The following LRP2 variants were observed in gnomAD, a reference collection of about 807,000 sequenced individuals.
The protein encoded by LRP2 is LDL receptor related protein 2, also known as low-density lipoprotein receptor-related protein 2.
LRP2 carries 172 observed loss-of-function variants against 531.0 expected under a neutral mutation model. The ratio of observed to expected loss-of-function variants is 0.32; its 90% CI spans 0.29 to 0.37. The LOEUF (loss-of-function observed/expected upper bound fraction) is 0.37, where lower values mean the gene tolerates loss of function less well. Among genes scored for constraint, LRP2 ranks in the 10% least tolerant of loss-of-function variants. LRP2 has a pLI of 1.00. For missense variants in LRP2, 5,167 were observed against 5,868.3 expected, an observed-to-expected ratio of 0.88 and a Z score of 3.90; for synonymous variants, 1,992 against 2,027.6, an observed-to-expected ratio of 0.98 and a Z score of 0.47.
chr2:169,134,079 G>C (rs1223906774), intron 76 of LRP2, among the ~76,000 whole-genome samples: 2 of 152,130 alleles, frequency 1.3e-5, no homozygotes, highest in Non-Finnish European at 2.9e-5. Context: ...TTCCTTCCTA[G>C]GCATGGTTAG....
At chr2:169,258,925 T>C in intron 17 of LRP2, 100 bp downstream of exon 17, 1 of 1,048,830 alleles carries the variant, frequency 9.5e-7, no homozygotes, top group East Asian at 2.4e-5. Context: ...CAGTTCAATC[T>C]TATATTTGCT....
intron 1 of LRP2, among the ~76,000 whole-genome samples, chr2:169,329,861 G>A (rs890444569): frequency 1.3e-5 from 2 of 152,174 alleles, no homozygotes; most frequent in South Asian, 2.1e-4. Flanking sequence ...GTACTGGTCC[G>A]TGGCCTGCTA....
In LRP2 at chr2:169,279,441, C is replaced by T. The variant is rs750613446; in HGVS notation, c.1496G>A (p.Ser499Asn). 9.3e-6 allele frequency: 15 copies of T among 1,613,960 alleles called. No homozygotes were observed. In the Admixed American group the frequency reaches 2.2e-4, roughly 23 times the overall value. The change falls in exon 12 of 79, where the codon AGC becomes AAC. Residue 499 changes from serine to asparagine, a missense_variant. Physicochemically the swap from Ser to Asn is conservative, Grantham distance 46. Coordinates refer to ENST00000649046, the MANE Select transcript of LRP2 (RefSeq NM_004525.3). The part of the protein sequence containing the change: ...NRIDMVNLDG[S>N]YRVTLITENL... The stretch of plus-strand genomic sequence containing the variant: ...TTCAGTTATAAGGGTAACCCGATAG[C>T]TTCCATCCAAATTTACCATATCTAT...
intron 1 of LRP2, among the ~76,000 whole-genome samples, chr2:169,352,144 G>T (rs551671849): frequency 6.6e-6 from 1 of 152,260 alleles, no homozygotes; most frequent in Admixed American, 6.5e-5. Flanking sequence ...ATTCAGGTGA[G>T]AAAAGATTAG....
chr2:169,154,397 C>A, intron 66 of LRP2, 63 bp downstream of exon 66: 1 of 1,479,978 alleles, frequency 6.8e-7, no homozygotes, highest in Non-Finnish European at 9.4e-7. Context: ...CCTTAAAAGT[C>A]AACACCTTAA....
chr2:169,292,186 G>C, intron 7 of LRP2, 67 bp downstream of exon 7: 1 of 1,244,966 alleles, frequency 8.0e-7, no homozygotes, highest in Non-Finnish European at 1.2e-6. Flanking sequence ...AAGGAAAGGA[G>C]AAAAAACAAG....
At chr2:169,342,896 AC>A (rs1685603454) in intron 1 of LRP2, among the ~76,000 whole-genome samples, 1 of 152,188 alleles carries the variant, frequency 6.6e-6, no homozygotes, top group African/African-American at 2.4e-5. Flanking sequence ...CATCTCACTG[AC>A]CTTTCTGTAG....
Position 169,188,086 on chromosome 2 carries a change from G to C in LRP2, c.9212C>G (p.Pro3071Arg), listed in dbSNP as rs377405517. 4.3e-6 allele frequency: 7 copies of C among 1,614,006 alleles called. No individual in the cohort carries two copies. Among genetic ancestry groups the C allele is most frequent in the Non-Finnish European group, 5.1e-6 (6 of 1,180,026 alleles). Residue 3071 changes from proline to arginine, a missense_variant, in exon 49 of 79, where the codon CCA (proline) becomes CGA (arginine). Transcript: ENST00000649046. The part of the protein sequence containing the change: ...SDELMHLCHT[P>R]EPTCPPHEFK... ...CTCGTGAGGTGGACACGTGGGTTCT[G>C]GGGTGTGGCACAGGTGCATCAGCTC...
chr2:169,282,730 C>A, intron 10 of LRP2, 143 bp downstream of exon 10: 1 of 875,818 alleles, frequency 1.1e-6, no homozygotes, highest in Non-Finnish European at 1.9e-6. Flanking sequence ...TTTTTCTAGG[C>A]AGTAGGAGCC....
chr2:169,206,034 A>T lies in LRP2; in HGVS notation c.7545T>A (p.Asp2515Glu), dbSNP rs766781237. Residue 2515 changes from aspartate to glutamate, a missense_variant, in exon 40 of 79, where the codon GAT (aspartate) becomes GAA (glutamate). Physicochemically the swap from Asp to Glu is conservative, Grantham distance 45. This residue lies in a region of LRP2 where 1,129 missense variants were observed against 1,362.7 expected (regional missense o/e 0.83). Transcript: ENST00000649046. ...AGATGATGGCATACCCTTGGCAGGG[A>T]TCTAACACAATTGCTCTTGGTTTTG... is the stretch of plus-strand genomic sequence containing the variant. ...RVPKPRAIVL[D>E]PCQGYLYWAD... 2.5e-6 allele frequency: 4 copies of T among 1,614,248 alleles called. No individual in the cohort carries two copies. Among genetic ancestry groups the T allele is most frequent in the African/African-American group, 2.7e-5 (2 of 75,066 alleles).
chr2:169,143,695 A>C (rs916322971), intron 70 of LRP2, among the ~76,000 whole-genome samples: 4 of 152,198 alleles, frequency 2.6e-5, no homozygotes, highest in Admixed American at 1.3e-4. Flanking sequence ...CCATTCACAG[A>C]GATTCAGATT....
intron 8 of LRP2, among the ~76,000 whole-genome samples, chr2:169,290,005 G>C (rs761765853): frequency 1.3e-5 from 2 of 152,098 alleles, no homozygotes; most frequent in African/African-American, 4.8e-5. Flanking sequence ...CACAAATTTA[G>C]TTAGAGTATA....
intron 1 of LRP2, among the ~76,000 whole-genome samples, chr2:169,342,226 G>T (rs114768305): frequency 2.7e-5 from 4 of 150,480 alleles, no homozygotes; most frequent in African/African-American, 9.8e-5. Flanking sequence ...GAATATTTAT[G>T]AATGTAATTA....
At chr2:169,195,918 T>C (rs1359873462) in intron 46 of LRP2, among the ~76,000 whole-genome samples, 3 of 152,164 alleles carry the variant, frequency 2.0e-5, no homozygotes, top group Non-Finnish European at 2.9e-5. Flanking sequence ...CCTAAGAAAA[T>C]ATCCTGAAAA....
chr2:169,291,285 G>A (rs374093491), intron 7 of LRP2, among the ~76,000 whole-genome samples: 41 of 152,280 alleles, frequency 2.7e-4, no homozygotes, highest in African/African-American at 8.9e-4. Context: ...CTAAATTCAT[G>A]ATCCCCTAAG....
At chr2:169,285,822 G>A (rs901859711) in intron 9 of LRP2, among the ~76,000 whole-genome samples, 2 of 152,188 alleles carry the variant, frequency 1.3e-5, no homozygotes, top group Non-Finnish European at 2.9e-5. Flanking sequence ...CAGATGAATG[G>A]TAGAAAGACA....
intron 1 of LRP2, among the ~76,000 whole-genome samples, chr2:169,328,432 G>A (rs1405553958): frequency 1.6e-5 from 2 of 126,990 alleles, no homozygotes; most frequent in South Asian, 2.5e-4. Context: ...CATTGAGAAC[G>A]GGCCGGGATA....
chr2:169,359,601 A>G (rs1474502281), intron 1 of LRP2, among the ~76,000 whole-genome samples: 3 of 152,180 alleles, frequency 2.0e-5, no homozygotes, highest in African/African-American at 7.2e-5. Flanking sequence ...ATCTCAACGT[A>G]TCAGGCAGAG....
rs561702323 is a variant in LRP2 at position 169,216,324 on chromosome 2, C to T, written c.5755G>A (p.Glu1919Lys). The part of the protein sequence containing the change: ...SVKTLFTGNL[E>K]HLECVTLDIE... Reference sequence around the variant, plus strand: ...TCAAGAGTGACACACTCCAGGTGTTCGAGGTTCCCAGTAAAGAGAGTTTTC... The same window carrying T: ...TCAAGAGTGACACACTCCAGGTGTTTGAGGTTCCCAGTAAAGAGAGTTTTC... Residue 1919 changes from glutamate to lysine, a missense_variant, in exon 35 of 79, where the codon GAA becomes AAA. Coordinates refer to ENST00000649046, the MANE Select transcript of LRP2 (RefSeq NM_004525.3). The T allele has an allele frequency of 4.0e-5, 64 of 1,613,648 alleles. No individual in the cohort carries two copies. The highest frequency in any genetic ancestry group is 4.8e-5 in the Non-Finnish European group (57 of 1,179,724).
Sources: gnomAD v4.1 joint callset for allele counts (sites outside exome capture counted in the v4.1 genomes callset) on GRCh38, gnomAD v4.1.1 for gene constraint, gnomAD v4.1.1 regional missense constraint, MANE v1.5 for transcripts, NCBI Gene and HGNC (gene_info 2026-07-23, HGNC 2026-07-21) for gene names.